POT1: variants seen among roughly 807,000 people sequenced by gnomAD.
POT1 encodes protection of telomeres protein 1.
Under a neutral mutation model 78.5 loss-of-function variants are expected in POT1, and 47 were observed. The ratio of observed to expected loss-of-function variants is 0.60; its 90% CI spans 0.47 to 0.76. The LOEUF (loss-of-function observed/expected upper bound fraction) is 0.76, where lower values mean the gene tolerates loss of function less well. POT1 is among the 30% of genes least tolerant of loss of function. The probability of loss-of-function intolerance (pLI) is 0.00; values close to 1 mark genes in which losing one functional copy is unlikely to be tolerated. For missense variants in POT1, 646 were observed against 749.9 expected (o/e 0.86, Z 1.62); for synonymous variants, 259 against 260.7 (o/e 0.99, Z 0.06).
In POT1 at chr7:124,892,363, A is replaced by G. The variant is rs1796392960; in HGVS notation, c.27T>C (p.Tyr9=). MSLVPATN[Y]IYTPLNQLKG... is the part of the protein sequence containing the mutation. ...TAAGTTGATTCAGGGGTGTATATAT[A>G]TAATTTGTTGCTGGAACCTAAAGAA... The change falls in exon 6 of 19, where the codon TAT becomes TAC. Residue 9 remains tyrosine, a synonymous_variant. Transcript: ENST00000357628. 2 of 1,476,156 alleles carry G rather than the reference A, an allele frequency of 1.4e-6. No individual in the cohort carries two copies. Among genetic ancestry groups the G allele is most frequent in the Admixed American group, 2.8e-5 (1 of 36,022 alleles). 91.4% of individuals were successfully genotyped at this position (1,476,156 alleles called of 1,614,324 possible).
intron 11 of POT1, chr7:124,848,490 CTG>C (rs1261027037): frequency 6.5e-6 from 1 of 153,446 alleles, no homozygotes; most frequent in Non-Finnish European, 1.5e-5. Context: ...CATGGTGAAA[CTG>C]TGTCTCTACT....
At chr7:124,850,511 A>AG (rs1448725938) in intron 11 of POT1, among the ~76,000 whole-genome samples, 1 of 152,164 alleles carries the variant, frequency 6.6e-6, no homozygotes, top group Non-Finnish European at 1.5e-5. Context: ...GCGGATCATG[A>AG]GGTCAGGAGA....
intron 6 of POT1, among the ~76,000 whole-genome samples, chr7:124,892,015 T>C (rs1018133210): frequency 1.3e-5 from 2 of 151,666 alleles, no homozygotes. Flanking sequence ...TATATTTTCA[T>C]ATGGTTTCAC....
At chr7:124,834,946 A>T (rs1486773099) in intron 15 of POT1, among the ~76,000 whole-genome samples, 2 of 152,306 alleles carry the variant, frequency 1.3e-5, no homozygotes, top group Non-Finnish European at 2.9e-5. Context: ...CTTGCCAGGC[A>T]TATGGATAAA....
In POT1 at chr7:124,828,049, A is replaced by C. The variant is rs186533548; in HGVS notation, c.1595-744T>G. Among the ~76,000 whole-genome samples, 68 of 152,222 alleles carry C rather than the reference A, an allele frequency of 4.5e-4. No homozygotes were observed. In the East Asian group the frequency reaches 0.012, roughly 26 times the overall value. On this transcript the variant is annotated intron_variant, in intron 16 of 18. Coordinates refer to ENST00000357628, the MANE Select transcript of POT1 (RefSeq NM_015450.3). ...CTCTGTCTCAAAATAAATAAAAATA[A>C]ATAAATAAAAAAAACAGTTGATAGC...
chr7:124,860,192 C>T (rs1268477651), intron 8 of POT1, among the ~76,000 whole-genome samples: 5 of 151,716 alleles, frequency 3.3e-5, no homozygotes, highest in Non-Finnish European at 7.4e-5. Context: ...TAAAATGTTG[C>T]TTTATAGGCC....
intron 3 of POT1, among the ~76,000 whole-genome samples, chr7:124,910,079 A>G (rs12706627): frequency 0.32 from 48,362 of 151,664 alleles, 7,730 homozygotes; most frequent in South Asian, 0.4. Flanking sequence ...GCATGTGCAC[A>G]TATATAGACA....
At chr7:124,877,156 T>C (rs945429229) in intron 6 of POT1, among the ~76,000 whole-genome samples, 1 of 152,186 alleles carries the variant, frequency 6.6e-6, no homozygotes, top group Admixed American at 6.5e-5. Context: ...AAGTTACCAA[T>C]GCAAGACTGT....
At chr7:124,871,543 T>C (rs1584778095) in intron 6 of POT1, among the ~76,000 whole-genome samples, 1 of 152,052 alleles carries the variant, frequency 6.6e-6, no homozygotes, top group Non-Finnish European at 1.5e-5. Flanking sequence ...TAGAAAACTA[T>C]GTCATAACAA....
chr7:124,920,029 G>A (rs1054146016), intron 2 of POT1, among the ~76,000 whole-genome samples: 3 of 147,438 alleles, frequency 2.0e-5, no homozygotes. Context: ...ATCTAGAGAA[G>A]TGTAGCATGC....
At chr7:124,921,528 C>T (rs79839807) in intron 2 of POT1, among the ~76,000 whole-genome samples, 4 of 151,384 alleles carry the variant, frequency 2.6e-5, no homozygotes, top group Non-Finnish European at 4.4e-5. Flanking sequence ...GTGTAACAAA[C>T]GTCTATACGA....
chr7:124,864,563 T>C lies in POT1; in HGVS notation c.256-923A>G, dbSNP rs905505901. Among the ~76,000 whole-genome samples, 4 of 152,298 alleles carry C rather than the reference T, an allele frequency of 2.6e-5. No homozygotes were observed. The East Asian group carries it at 5.8e-4, about 22-fold the overall frequency. On this transcript the variant is annotated intron_variant, in intron 7 of 18. Coordinates refer to ENST00000357628, the MANE Select transcript of POT1 (RefSeq NM_015450.3). ...CTTGTTTTCTTTTTGGAATTCTTACTAGTGCTCCATTTCGTTCTTCTTAGC... is the reference window on the plus strand; with the variant it reads ...CTTGTTTTCTTTTTGGAATTCTTACCAGTGCTCCATTTCGTTCTTCTTAGC...
intron 12 of POT1, among the ~76,000 whole-genome samples, chr7:124,844,732 C>CAAAAA (rs33956452): frequency 3.2e-5 from 2 of 62,880 alleles, no homozygotes; most frequent in African/African-American, 1.3e-4. Context: ...GACTCCGCCT[C>CAAAAA]AAAAAAAAAA....
intron 2 of POT1, among the ~76,000 whole-genome samples, chr7:124,926,687 T>C (rs1797281914): frequency 6.6e-6 from 1 of 152,126 alleles, no homozygotes; most frequent in Non-Finnish European, 1.5e-5. Flanking sequence ...AACCAAAGTG[T>C]ACATCGATGG....
chr7:124,882,642 T>A (rs1796145698), intron 6 of POT1, among the ~76,000 whole-genome samples: 1 of 151,678 alleles, frequency 6.6e-6, no homozygotes, highest in Non-Finnish European at 1.5e-5. Flanking sequence ...TACATAAGAC[T>A]AGAGAAAAAG....
intron 8 of POT1, among the ~76,000 whole-genome samples, chr7:124,862,971 G>C (rs1025746458): frequency 6.6e-6 from 1 of 151,808 alleles, no homozygotes; most frequent in Admixed American, 6.6e-5. Flanking sequence ...AACATCAACG[G>C]GACAAAAAAG....
rs1794703492 is a variant in POT1, at chr7:124,829,272, G to A, written c.1576C>T (p.Pro526Ser). 1 of 1,602,988 alleles carries A rather than the reference G, an allele frequency of 6.2e-7. No individual in the cohort carries two copies. Residue 526 changes from proline to serine, a missense_variant, in exon 16 of 19, where the codon CCT (proline) becomes TCT (serine). By Grantham distance (74) the Pro-to-Ser change is moderately conservative (BLOSUM62 -1). Coordinates refer to ENST00000357628, the MANE Select transcript of POT1 (RefSeq NM_015450.3). ...AGCTAACCTTCTGCCACAGAAGAAG[G>A]AATCCACGATGTTTTATCAACCAGG... is the stretch of plus-strand genomic sequence containing the variant. ...NSLVDKTSWI[P>S]SSVAEALGIV...
intron 5 of POT1, chr7:124,892,599 T>A (rs1796397552): frequency 3.1e-6 from 1 of 326,480 alleles, no homozygotes; most frequent in African/African-American, 2.1e-5. Context: ...CACTAGCTCA[T>A]AAAGGCATAA....
At chr7:124,874,927 G>A (rs1341791141) in intron 6 of POT1, among the ~76,000 whole-genome samples, 1 of 151,270 alleles carries the variant, frequency 6.6e-6, no homozygotes, top group African/African-American at 2.4e-5. Flanking sequence ...TTGTGAGAAG[G>A]GTGAAATAAC....
Sources: allele counts gnomAD v4.1 joint callset (sites outside exome capture counted in the v4.1 genomes callset), GRCh38; gene constraint gnomAD v4.1.1; transcripts MANE v1.5; gene names NCBI Gene and HGNC (gene_info 2026-07-23, HGNC 2026-07-21).